Variants in CSNK1E observed in about 807,000 individuals in gnomAD.
CSNK1E encodes the protein casein kinase 1 epsilon, also known as casein kinase I isoform epsilon.
In CSNK1E, 17 loss-of-function variants were observed where a neutral mutation model predicts 46.1. The ratio of observed to expected loss-of-function variants is 0.37; its 90% confidence interval spans 0.25 to 0.55. The LOEUF is 0.55. Among genes scored for constraint, CSNK1E ranks in the 20% least tolerant of loss-of-function variants. The pLI, the probability that CSNK1E is intolerant of heterozygous loss-of-function variation, is 0.82. For synonymous variants in CSNK1E, 241 were observed against 242.6 expected (o/e 0.99, Z 0.06); for missense variants, 386 against 595.4 (o/e 0.65, Z 3.66).
intron 10 of CSNK1E, 176 bp from the exon 11 acceptor site, chr22:38,292,114 G>A (rs2092614454): frequency 6.6e-6 from 1 of 151,838 alleles, no homozygotes; most frequent in Non-Finnish European, 1.5e-5. Flanking sequence ...AGCGTCCCGA[G>A]TAGCTGAGAT....
intron 2 of CSNK1E, among the ~76,000 whole-genome samples, chr22:38,308,727 T>C (rs565438565): frequency 6.6e-5 from 10 of 151,876 alleles, no homozygotes; most frequent in Admixed American, 5.9e-4. Context: ...GAATAAGCCA[T>C]GCTATGAGGA....
chr22:38,294,445 G>C lies in CSNK1E; in HGVS notation c.975C>G (p.Thr325=), dbSNP rs774186110. The C allele has an allele frequency of 6.4e-7, 1 of 1,572,990 alleles. No homozygotes were observed. The highest frequency in any genetic ancestry group is 1.2e-5 in the South Asian group (1 of 86,522). The part of the protein sequence containing the change: ...ERMGQLRGSA[T]RALPPGPPTG... ...TGGGTGGGCCAGGGGGCAGGGCTCG[G>C]GTCGCGGACCCCCGTAGCTGCCCCA... The change falls in exon 8 of 11, where the codon ACC becomes ACG. Residue 325 remains threonine, a synonymous_variant. Coordinates refer to ENST00000396832, the MANE Select transcript of CSNK1E (RefSeq NM_152221.3). This position sits in a 1 kb window ranked among gnomAD's most constrained non-coding sequence, Gnocchi z 5.5.
At position 38,298,133 on chromosome 22, in the gene CSNK1E, G is replaced by A. The variant is rs1465828335; in HGVS notation, c.885+653C>T. ...GTACGTGGGCCCAGCACAGGGACAG[G>A]GGCGGGGACAGAAAGGTCCCTTCGC... is the stretch of plus-strand genomic sequence containing the variant. On this transcript the variant is annotated intron_variant, in intron 7 of 10. Transcript: ENST00000396832. This position sits in a 1 kb window ranked among gnomAD's most constrained non-coding sequence, Gnocchi z 4.2. The A allele has an allele frequency of 2.3e-6, 3 of 1,292,578 alleles. No individual in the cohort carries two copies. The highest frequency in any genetic ancestry group is 2.4e-5 in the Admixed American group (1 of 42,332). The allele number at this position is 1,292,578 out of a possible 1,614,324, so 80.1% of individuals were successfully genotyped here.
In CSNK1E at chr22:38,297,200, G is replaced by A. The variant is rs368320459; in HGVS notation, c.885+1586C>T. The A allele has an allele frequency of 6.5e-6, 5 of 771,916 alleles. No homozygotes were observed. In the African/African-American group the frequency reaches 6.8e-5, roughly 10 times the overall value. The allele number at this position is 771,916 out of a possible 1,614,324, so 47.8% of individuals were successfully genotyped here. A position where few individuals can be genotyped will look rare whatever the true frequency, so the allele number is the denominator to read the frequency against. ...TTCTTGCAGTTGTGCTGAGCTGGAG[G>A]GCCAAGCCCATCACGAACCAGACGT... On this transcript the variant is annotated intron_variant, in intron 7 of 10. Coordinates refer to ENST00000396832, the MANE Select transcript of CSNK1E (RefSeq NM_152221.3).
chr22:38,316,209 C>T (rs777310401), intron 1 of CSNK1E, among the ~76,000 whole-genome samples: 43 of 152,210 alleles, frequency 2.8e-4, no homozygotes, highest in Non-Finnish European at 5.1e-4. Flanking sequence ...GGCACACGGG[C>T]AGTGCTTCTT....
chr22:38,314,448 G>T (rs1357670377), intron 1 of CSNK1E, among the ~76,000 whole-genome samples: 1 of 152,256 alleles, frequency 6.6e-6, no homozygotes, highest in East Asian at 1.9e-4. Flanking sequence ...AGCTTCTCAA[G>T]GGATCACAAC....
chr22:38,297,775 C>A, intron 7 of CSNK1E: 4 of 998,760 alleles, frequency 4.0e-6, no homozygotes, highest in Non-Finnish European at 4.8e-6. Flanking sequence ...GCCTTTTCCA[C>A]CATGGCCTCC....
At chr22:38,313,187 T>C (rs2092728564) in intron 2 of CSNK1E, among the ~76,000 whole-genome samples, 2 of 152,170 alleles carry the variant, frequency 1.3e-5, no homozygotes, top group South Asian at 4.1e-4. Context: ...GACTTGGTGT[T>C]CTCTGCACTG....
At chr22:38,312,242 C>G (rs1043021107) in intron 2 of CSNK1E, among the ~76,000 whole-genome samples, 3 of 152,238 alleles carry the variant, frequency 2.0e-5, no homozygotes, top group Admixed American at 2.0e-4. Flanking sequence ...GCGCGTGCCG[C>G]CATGCCCAGC....
chr22:38,308,322 A>C (rs2092707027), intron 2 of CSNK1E, among the ~76,000 whole-genome samples: 1 of 152,186 alleles, frequency 6.6e-6, no homozygotes, highest in Admixed American at 6.5e-5. Context: ...TTGACACATC[A>C]ATGCTCGTCA....
In CSNK1E at chr22:38,293,337, G is replaced by A. The variant is rs377722777; in HGVS notation, c.1219-18C>T. Reference sequence around the variant, plus strand: ...ACACTTGTCTTTTGAGGGTGGGGAGGGAGAGAGGGGGAGGGAGAGAGAGGG... The same window carrying A: ...ACACTTGTCTTTTGAGGGTGGGGAGAGAGAGAGGGGGAGGGAGAGAGAGGG... On this transcript the variant is annotated intron_variant, in intron 9 of 10. Transcript: ENST00000396832. 5.9e-6 allele frequency: 9 copies of A among 1,516,040 alleles called. No individual in the cohort carries two copies. The highest frequency in any genetic ancestry group is 5.1e-5 in the Admixed American group (3 of 59,224). 93.9% of individuals were successfully genotyped at this position (1,516,040 alleles called of 1,614,324 possible). A position where few individuals can be genotyped will look rare whatever the true frequency, so the allele number is the denominator to read the frequency against.
chr22:38,294,594 G>A lies in CSNK1E; in HGVS notation c.886-60C>T. The A allele has an allele frequency of 6.8e-7, 1 of 1,471,290 alleles. No homozygotes were observed. The highest frequency in any genetic ancestry group is 9.1e-7 in the Non-Finnish European group (1 of 1,099,674). 91.1% of individuals were successfully genotyped at this position (1,471,290 alleles called of 1,614,324 possible). On this transcript the variant is annotated intron_variant, in intron 7 of 10. Coordinates refer to ENST00000396832, the MANE Select transcript of CSNK1E (RefSeq NM_152221.3). This position sits in a 1 kb window ranked among gnomAD's most constrained non-coding sequence, Gnocchi z 5.5. ...CAGAGGCCAGGGTGCTCTGGGCCCA[G>A]CAGCCCTGCAGGGCACAGAAGGGGA...
intron 9 of CSNK1E, chr22:38,293,886 A>G (rs1429229379): frequency 3.5e-6 from 2 of 564,306 alleles, no homozygotes; most frequent in Non-Finnish European, 6.1e-6. Context: ...GCCACTTGCC[A>G]GGGAATGTTA....
intron 4 of CSNK1E, 75 bp downstream of exon 4, chr22:38,302,786 T>C (rs1421658407): frequency 6.4e-7 from 1 of 1,570,556 alleles, no homozygotes; most frequent in East Asian, 2.2e-5. Flanking sequence ...TCTGGCATCC[T>C]CTGGGGGCAG....
Position 38,291,341 on chromosome 22 carries a change from C to CAA in CSNK1E, c.*629_*630insTT, listed in dbSNP as rs1279560414. On this transcript the variant is annotated 3_prime_UTR_variant, in exon 11 of 11. Transcript: ENST00000396832. Reference sequence around the variant, plus strand: ...TGGGAAACACAGGTCAATACATCCACACACACACACACACACACACACGCA... The same window carrying CAA: ...TGGGAAACACAGGTCAATACATCCACAAACACACACACACACACACACACGCA... 2 of 150,484 alleles carry CAA rather than the reference C, an allele frequency of 1.3e-5. No homozygotes were observed. Among genetic ancestry groups the CAA allele is most frequent in the Non-Finnish European group, 3.0e-5 (2 of 67,546 alleles). The allele number at this position is 150,484 out of a possible 1,614,324, so 9.3% of individuals were successfully genotyped here. A position where few individuals can be genotyped will look rare whatever the true frequency, so the allele number is the denominator to read the frequency against.
chr22:38,296,800 C>T (rs2092643104), intron 7 of CSNK1E: 2 of 1,355,850 alleles, frequency 1.5e-6, no homozygotes, highest in Middle Eastern at 2.0e-4. Flanking sequence ...GTCCCATCTG[C>T]CTTGCCGGAT....
In CSNK1E at chr22:38,294,223, C is replaced by T. The variant is rs570801921; in HGVS notation, c.1104G>A (p.Ser368=). 13 of 1,612,718 alleles carry T rather than the reference C, an allele frequency of 8.1e-6. No individual in the cohort carries two copies. The highest frequency in any genetic ancestry group is 4.4e-5 in the South Asian group (4 of 91,056). Residue 368 remains serine (S), a synonymous_variant, in exon 9 of 11, where the codon TCG becomes TCA. Coordinates refer to ENST00000396832, the MANE Select transcript of CSNK1E (RefSeq NM_152221.3). The surrounding 1 kb of genome is among the most constrained non-coding windows in gnomAD (Gnocchi z 5.5). ...PAGNTSPRAI[S]RVDRERKVSM... ...TCACCTTCCTCTCCCGGTCGACCCG[C>T]GAGATCGCTCTGGGAGAAGTATTGC...
chr22:38,307,378 A>G (rs1356095967), intron 2 of CSNK1E, among the ~76,000 whole-genome samples: 1 of 151,956 alleles, frequency 6.6e-6, no homozygotes, highest in Non-Finnish European at 1.5e-5. Context: ...ATGAAACCCC[A>G]TCTCTACTAA....
At chr22:38,315,627 TG>T (rs2092741127) in intron 1 of CSNK1E, among the ~76,000 whole-genome samples, 4 of 141,324 alleles carry the variant, frequency 2.8e-5, no homozygotes, top group Admixed American at 1.5e-4. Context: ...TGAGCCCTGT[TG>T]GGGGGTAAGG....
Sources: gnomAD v4.1 joint callset for allele counts (sites outside exome capture counted in the v4.1 genomes callset) on GRCh38, gnomAD v4.1.1 for gene constraint, Gnocchi (gnomAD v3.1) non-coding constraint, MANE v1.5 for transcripts, NCBI Gene and HGNC (gene_info 2026-07-23, HGNC 2026-07-21) for gene names.